Variants in MYO1H observed in about 807,000 individuals in gnomAD.
The protein encoded by MYO1H is myosin IH.
A neutral mutation model predicts 149.3 loss-of-function variants in MYO1H; 118 were observed. The observed-to-expected ratio is 0.79, with a 90% confidence interval of 0.68 to 0.92. The LOEUF (loss-of-function observed/expected upper bound fraction) is 0.92, where lower values mean the gene tolerates loss of function less well. Among genes scored for constraint, MYO1H ranks in the 40% least tolerant of loss-of-function variants. MYO1H has a pLI of 0.00. For synonymous variants in MYO1H, 447 were observed against 465.2 expected (o/e 0.96, Z 0.50); for missense variants, 1,212 against 1,280.7 (o/e 0.95, Z 0.82).
intron 13 of MYO1H, among the ~76,000 whole-genome samples, chr12:109,411,552 G>A (rs1870670025): frequency 2.0e-5 from 3 of 152,210 alleles, no homozygotes; most frequent in Admixed American, 2.0e-4. Context: ...TACAACAAGA[G>A]TCTGTACACA....
chr12:109,318,131 T>C, the MYO1H span, among the ~76,000 whole-genome samples: 4 of 152,224 alleles, frequency 2.6e-5, no homozygotes, highest in Non-Finnish European at 5.9e-5. Context: ...TGAACAAATT[T>C]AGGTTATAAC....
intron 1 of MYO1H, among the ~76,000 whole-genome samples, chr12:109,351,125 A>G (rs1420789103): frequency 6.6e-6 from 1 of 152,200 alleles, no homozygotes; most frequent in African/African-American, 2.4e-5. Context: ...TGTACAAGTA[A>G]TATGTTGGGT....
Position 109,443,013 on chromosome 12 carries a change from T to A in MYO1H, c.2689-501T>A, listed in dbSNP as rs1265220489. Among the ~76,000 whole-genome samples, 519 of 81,568 alleles carry A rather than the reference T, an allele frequency of 6.4e-3. 21 individuals are homozygous for A. The highest frequency in any genetic ancestry group is 0.017 in the African/African-American group (319 of 18,300). The allele number at this position is 81,568 out of a possible 152,430, so 53.5% of individuals were successfully genotyped here. ...GAGAGCCAGGAAAAAAAAAAAAATATATATATATATATATATGTGTGTGTG... is the reference window on the plus strand; with the variant it reads ...GAGAGCCAGGAAAAAAAAAAAAATAAATATATATATATATATGTGTGTGTG... On this transcript the variant is annotated intron_variant, in intron 27 of 31. Coordinates refer to ENST00000310903, the Ensembl canonical transcript of MYO1H.
At chr12:109,416,018 C>T (rs1870893204) in intron 15 of MYO1H, among the ~76,000 whole-genome samples, 1 of 152,082 alleles carries the variant, frequency 6.6e-6, no homozygotes, top group South Asian at 2.1e-4. Flanking sequence ...TCTCAGCTCA[C>T]TGCAACCTCC....
the MYO1H span, among the ~76,000 whole-genome samples, chr12:109,336,337 C>A: frequency 6.6e-6 from 1 of 152,198 alleles, no homozygotes; most frequent in Non-Finnish European, 1.5e-5. Flanking sequence ...AACACCACAT[C>A]TTCTGCAATC....
At chr12:109,328,288 T>TGCAAGC in the MYO1H span, among the ~76,000 whole-genome samples, 1 of 152,080 alleles carries the variant, frequency 6.6e-6, no homozygotes, top group Non-Finnish European at 1.5e-5. Context: ...CACGATGTTG[T>TGCAAGC]GCAAGCAACA....
chr12:109,419,887 A>C (rs1592807937), intron 15 of MYO1H, among the ~76,000 whole-genome samples: 1 of 152,058 alleles, frequency 6.6e-6, no homozygotes, highest in Non-Finnish European at 1.5e-5. Context: ...AAAAAAAAAA[A>C]AAATCTGGTT....
intron 19 of MYO1H, 33 bp from the exon 20 acceptor site, chr12:109,432,864 T>C: frequency 1.3e-6 from 2 of 1,584,968 alleles, no homozygotes; most frequent in Non-Finnish European, 1.7e-6. Flanking sequence ...GAAGGTACGG[T>C]CACAGCTTCT....
chr12:109,311,653 T>G, the MYO1H span, among the ~76,000 whole-genome samples: 1 of 152,190 alleles, frequency 6.6e-6, no homozygotes, highest in East Asian at 1.9e-4. Context: ...ATACCCACCT[T>G]TTTTGTTTTG....
At chr12:109,411,915 G>T (rs1170671987) in exon 14 of MYO1H, 2 of 1,606,234 alleles carry the variant, frequency 1.2e-6, no homozygotes, top group East Asian at 2.2e-5. Context: ...CATTCGGCCT[G>T]GTCCTGCTAC....
chr12:109,407,892 C>G, exon 10 of MYO1H: 1 of 1,613,994 alleles, frequency 6.2e-7, no homozygotes, highest in Non-Finnish European at 8.5e-7. Flanking sequence ...TCAACAAAAT[C>G]AATTCCTCCT....
chr12:109,367,443 A>C (rs1215094467), intron 1 of MYO1H, among the ~76,000 whole-genome samples: 1 of 152,120 alleles, frequency 6.6e-6, no homozygotes, highest in East Asian at 1.9e-4. Flanking sequence ...GACCCATAAC[A>C]CAAGTACTAA....
intron 1 of MYO1H, among the ~76,000 whole-genome samples, chr12:109,357,560 G>A (rs1410951538): frequency 6.6e-6 from 1 of 152,136 alleles, no homozygotes; most frequent in East Asian, 1.9e-4. Context: ...AAACATAAAT[G>A]TGTCTGTGTT....
chr12:109,436,877 T>A (rs1330720159), intron 22 of MYO1H, among the ~76,000 whole-genome samples: 1 of 152,098 alleles, frequency 6.6e-6, no homozygotes, highest in Non-Finnish European at 1.5e-5. Flanking sequence ...TTACTTGAGC[T>A]CAAGAGTTCA....
At chr12:109,410,837 C>T (rs1566032454) in intron 13 of MYO1H, 69 bp downstream of exon 13, 3 of 1,139,556 alleles carry the variant, frequency 2.6e-6, no homozygotes, top group South Asian at 1.3e-5. Flanking sequence ...AACTTTTTCC[C>T]AGGCTTAAAA....
intron 1 of MYO1H, among the ~76,000 whole-genome samples, chr12:109,355,232 T>C (rs542221418): frequency 3.3e-5 from 5 of 152,280 alleles, no homozygotes; most frequent in African/African-American, 1.2e-4. Context: ...TATGAATGTT[T>C]CTGTATTCAC....
At chr12:109,313,614 T>C in the MYO1H span, among the ~76,000 whole-genome samples, 1 of 152,104 alleles carries the variant, frequency 6.6e-6, no homozygotes, top group Non-Finnish European at 1.5e-5. Context: ...AATGCTCTAA[T>C]GTCTTTGCAC....
intron 9 of MYO1H, 106 bp downstream of exon 9, chr12:109,406,966 G>A (rs1415663130): frequency 1.0e-6 from 1 of 961,618 alleles, no homozygotes; most frequent in African/African-American, 1.6e-5. Context: ...TTTGATCCTA[G>A]CTCACCAGGC....
chr12:109,423,392 C>A (rs1236805027), intron 16 of MYO1H, among the ~76,000 whole-genome samples: 2 of 152,160 alleles, frequency 1.3e-5, no homozygotes, highest in Non-Finnish European at 2.9e-5. Context: ...GAACTCCTGG[C>A]CTCAGGTGAT....
Sources: gnomAD v4.1 joint callset for allele counts (sites outside exome capture counted in the v4.1 genomes callset) on GRCh38, gnomAD v4.1.1 for gene constraint, MANE v1.5 for transcripts, NCBI Gene and HGNC (gene_info 2026-07-23, HGNC 2026-07-21) for gene names.